GCLC: variants seen among roughly 807,000 people sequenced by gnomAD.
The protein encoded by GCLC is glutamate-cysteine ligase catalytic subunit, also known as glutamate--cysteine ligase catalytic subunit.
In GCLC, 30 loss-of-function variants were observed where a neutral mutation model predicts 81.5. The observed-to-expected ratio is 0.37, with a 90% CI of 0.28 to 0.50. GCLC has a LOEUF of 0.50. GCLC is among the 20% of genes least tolerant of loss of function. The probability of loss-of-function intolerance (pLI) is 0.96; values close to 1 mark genes in which losing one functional copy is unlikely to be tolerated. For missense variants in GCLC, 556 were observed against 777.4 expected (o/e 0.72, Z 3.39); for synonymous variants, 262 against 273.3 (o/e 0.96, Z 0.41).
At chr6:53,529,588 A>G (rs939014734) in intron 1 of GCLC, among the ~76,000 whole-genome samples, 4 of 152,240 alleles carry the variant, frequency 2.6e-5, no homozygotes, top group Non-Finnish European at 4.4e-5. Context: ...TAAAGAAACA[A>G]CATTGTAAGT....
In GCLC at chr6:53,520,701, G is replaced by A. The variant is rs1762976710; in HGVS notation, c.446+77C>T. 5 of 1,154,450 alleles carry A rather than the reference G, an allele frequency of 4.3e-6. No individual in the cohort carries two copies. The Admixed American group carries it at 8.4e-5, about 19-fold the overall frequency. 71.5% of individuals were successfully genotyped at this position (1,154,450 alleles called of 1,614,324 possible). Reference sequence around the variant, plus strand: ...ACGTATGAGGATTGTAAGGTGGAATGCCCGGGTCGTGACTTGCTCTTTTCA... The same window carrying A: ...ACGTATGAGGATTGTAAGGTGGAATACCCGGGTCGTGACTTGCTCTTTTCA... On this transcript the variant is annotated intron_variant, in intron 3 of 15. Coordinates refer to ENST00000650454, the MANE Select transcript of GCLC (RefSeq NM_001498.4).
intron 3 of GCLC, among the ~76,000 whole-genome samples, chr6:53,516,494 G>A (rs563261792): frequency 3.9e-5 from 6 of 152,166 alleles, no homozygotes; most frequent in East Asian, 1.9e-4. Flanking sequence ...GCACTTACTC[G>A]GGTCCTCTCC....
chr6:53,520,363 C>T (rs538271509), intron 3 of GCLC, among the ~76,000 whole-genome samples: 2 of 152,310 alleles, frequency 1.3e-5, no homozygotes, highest in African/African-American at 4.8e-5. Context: ...CAGGTAAATG[C>T]TGCTTTTTGA....
chr6:53,526,001 G>C (rs1763074824), intron 1 of GCLC, among the ~76,000 whole-genome samples: 1 of 152,100 alleles, frequency 6.6e-6, no homozygotes, highest in South Asian at 2.1e-4. Flanking sequence ...GTGCTAAAAG[G>C]CTAAATTTTA....
chr6:53,500,722 C>T (rs1581726484), intron 12 of GCLC: 2 of 600,386 alleles, frequency 3.3e-6, no homozygotes, highest in East Asian at 5.6e-5. Flanking sequence ...TTCAACCAAT[C>T]AGGGAATTTT....
At chr6:53,504,297 T>C (rs999919971) in intron 12 of GCLC, among the ~76,000 whole-genome samples, 4 of 152,052 alleles carry the variant, frequency 2.6e-5, no homozygotes, top group African/African-American at 9.7e-5. Flanking sequence ...GCAATCCTCC[T>C]GCCTCAGCCT....
At chr6:53,505,369 A>G (rs1211274370) in intron 12 of GCLC, 23 bp downstream of exon 12, 1 of 965,684 alleles carries the variant, frequency 1.0e-6, no homozygotes, top group South Asian at 1.3e-5. Flanking sequence ...TATACCCATC[A>G]CCATAAAGAA....
intron 1 of GCLC, among the ~76,000 whole-genome samples, chr6:53,529,922 C>G (rs1333782186): frequency 6.6e-6 from 1 of 152,222 alleles, no homozygotes; most frequent in Non-Finnish European, 1.5e-5. Context: ...GGGCGGTGCC[C>G]CGCTCAGGGC....
intron 1 of GCLC, among the ~76,000 whole-genome samples, chr6:53,539,085 C>G (rs565640361): frequency 6.6e-6 from 1 of 152,320 alleles, no homozygotes; most frequent in South Asian, 2.1e-4. Flanking sequence ...ATATTTGTTA[C>G]ATTTACATCA....
intron 1 of GCLC, among the ~76,000 whole-genome samples, chr6:53,529,405 C>G (rs1308193630): frequency 6.6e-6 from 1 of 152,130 alleles, no homozygotes; most frequent in African/African-American, 2.4e-5. Flanking sequence ...ACCATTAAGG[C>G]ATTCCTACTT....
At chr6:53,522,704 T>G in intron 1 of GCLC, 177 bp from the exon 2 acceptor site, 1 of 552,964 alleles carries the variant, frequency 1.8e-6, no homozygotes, top group Non-Finnish European at 3.3e-6. Flanking sequence ...TGGAAACCTG[T>G]AGAAAGGATC....
At chr6:53,509,151 A>T in intron 7 of GCLC, 25 bp downstream of exon 7, 1 of 1,341,150 alleles carries the variant, frequency 7.5e-7, no homozygotes, top group East Asian at 2.3e-5. Flanking sequence ...AGTAGTATTT[A>T]AAATAAGAGG....
chr6:53,514,240 A>T lies in GCLC; in HGVS notation c.717T>A (p.Asp239Glu), dbSNP rs763917557. 2 of 1,613,884 alleles carry T rather than the reference A, an allele frequency of 1.2e-6. No individual in the cohort carries two copies. Among genetic ancestry groups the T allele is most frequent in the Non-Finnish European group, 1.7e-6 (2 of 1,179,742 alleles). Residue 239 changes from aspartate to glutamate, a missense_variant, in exon 6 of 16, where the codon GAT (aspartate) becomes GAA (glutamate). Physicochemically the swap from Asp to Glu is conservative, Grantham distance 45 (BLOSUM62 2). Around this residue, in one of 3 missense-constraint regions of GCLC, gnomAD observed 234 missense variants for 303.8 expected, o/e 0.77. Transcript: ENST00000650454. ...RASKPDHIYM[D>E]AMGFGMGNCC... ...AATTGCCCATTCCAAATCCCATGGCATCCATGTAAATATGATCCGGCTTAG... is the reference window on the plus strand; with the variant it reads ...AATTGCCCATTCCAAATCCCATGGCTTCCATGTAAATATGATCCGGCTTAG...
At chr6:53,536,548 T>C (rs1381163042) in intron 1 of GCLC, among the ~76,000 whole-genome samples, 1 of 152,232 alleles carries the variant, frequency 6.6e-6, no homozygotes, top group African/African-American at 2.4e-5. Context: ...CGTTAGGATA[T>C]GGTCTTTCCA....
In GCLC at chr6:53,506,773, G is replaced by A; in HGVS notation, c.1197+140C>T. ...TGCACTGGGTAAATGAAAGTCTTAT[G>A]AAATTTCTTTTGTGTTCTCCACAGG... On this transcript the variant is annotated intron_variant, in intron 10 of 15. Coordinates refer to ENST00000650454, the MANE Select transcript of GCLC (RefSeq NM_001498.4). The surrounding 1 kb of genome is among the most constrained non-coding windows in gnomAD (Gnocchi z 4.0). 1 of 662,266 alleles carries A rather than the reference G, an allele frequency of 1.5e-6. No homozygotes were observed. The highest frequency in any genetic ancestry group is 2.7e-6 in the Non-Finnish European group (1 of 364,764). The allele number at this position is 662,266 out of a possible 1,614,324, so 41.0% of individuals were successfully genotyped here. A position where few individuals can be genotyped will look rare whatever the true frequency, so the allele number is the denominator to read the frequency against.
chr6:53,542,015 A>G (rs897509521), intron 1 of GCLC, among the ~76,000 whole-genome samples: 2 of 152,080 alleles, frequency 1.3e-5, no homozygotes, highest in Non-Finnish European at 1.5e-5. Context: ...CCACAGGCAC[A>G]TGCCACTAAT....
At chr6:53,508,771 AG>A in intron 7 of GCLC, 60 bp from the exon 8 acceptor site, 1 of 1,089,150 alleles carries the variant, frequency 9.2e-7, no homozygotes, top group Admixed American at 1.7e-5. Flanking sequence ...TGCTAAAAAA[AG>A]CTCCATGCAG....
intron 7 of GCLC, 57 bp downstream of exon 7, chr6:53,509,119 C>T (rs1360018124): frequency 2.9e-6 from 3 of 1,051,556 alleles, no homozygotes; most frequent in Admixed American, 3.4e-5. Context: ...AAATTCTGCA[C>T]ATGCTATCTT....
chr6:53,518,291 C>T (rs988421086), intron 3 of GCLC, among the ~76,000 whole-genome samples: 24 of 152,100 alleles, frequency 1.6e-4, no homozygotes, highest in Admixed American at 1.3e-3. Flanking sequence ...TGCTTTGTCA[C>T]CCAGGCTGGA....
Sources: gnomAD v4.1 joint callset for allele counts (sites outside exome capture counted in the v4.1 genomes callset) on GRCh38, gnomAD v4.1.1 for gene constraint, gnomAD v4.1.1 regional missense constraint, Gnocchi (gnomAD v3.1) non-coding constraint, MANE v1.5 for transcripts, NCBI Gene and HGNC (gene_info 2026-07-23, HGNC 2026-07-21) for gene names.